The following DLG2 variants were observed in gnomAD, a reference collection of about 807,000 sequenced individuals.
DLG2 encodes disks large homolog 2.
A neutral mutation model predicts 132.5 loss-of-function variants in DLG2; 45 were observed. That is an observed-to-expected ratio of 0.34 (90% confidence interval 0.27 to 0.44). The LOEUF is 0.44. DLG2 is among the 20% of genes least tolerant of loss of function. The pLI is 1.00. For synonymous variants in DLG2, 424 were observed against 419.6 expected, an observed-to-expected ratio of 1.01 and a Z score of -0.13; for missense variants, 1,045 against 1,196.9, an observed-to-expected ratio of 0.87 and a Z score of 1.87.
At chr11:84,418,295 C>A (rs1215650492) in intron 7 of DLG2, among the ~76,000 whole-genome samples, 2 of 152,060 alleles carry the variant, frequency 1.3e-5, no homozygotes, top group Non-Finnish European at 2.9e-5. Flanking sequence ...GTTCTATGAA[C>A]ACATAGGGGC....
chr11:85,618,865 A>G (rs2081515461), intron 2 of DLG2, among the ~76,000 whole-genome samples: 1 of 152,268 alleles, frequency 6.6e-6, no homozygotes, highest in Non-Finnish European at 1.5e-5. Flanking sequence ...GGAGAAATCA[A>G]ATATTCTATC....
rs138632455 is a variant in DLG2, at chr11:85,422,821, T to C, written c.41-137456A>G. On this transcript the variant is annotated intron_variant, in intron 3 of 27. Coordinates refer to ENST00000376104, the MANE Select transcript of DLG2 (RefSeq NM_001142699.3). ...GGTTTTTATTTCTGCTATCTATTTC[T>C]TTGAATATTTCTCCCTTCACTTCTT... Among the ~76,000 whole-genome samples the C allele has an allele frequency of 3.0e-3, 462 of 152,282 alleles. 1 individual carries two copies. Among genetic ancestry groups the C allele is most frequent in the African/African-American group, 0.011 (445 of 41,560 alleles).
At chr11:84,359,752 T>C (rs1036684490) in intron 7 of DLG2, among the ~76,000 whole-genome samples, 2 of 150,878 alleles carry the variant, frequency 1.3e-5, no homozygotes, top group African/African-American at 2.4e-5. Flanking sequence ...TTCTTAAGCA[T>C]ATTAGAGCTT....
chr11:84,995,951 T>A (rs1187838187), intron 6 of DLG2, among the ~76,000 whole-genome samples: 1 of 152,134 alleles, frequency 6.6e-6, no homozygotes, highest in Admixed American at 6.6e-5. Flanking sequence ...AAGTTTATTT[T>A]TACTCTAACA....
intron 3 of DLG2, among the ~76,000 whole-genome samples, chr11:85,572,237 T>C (rs1236751055): frequency 1.3e-5 from 2 of 152,180 alleles, no homozygotes; most frequent in African/African-American, 4.8e-5. Context: ...TGTTTCTATA[T>C]TTAGGGTTCA....
At chr11:84,579,057 T>C (rs887741414) in intron 6 of DLG2, among the ~76,000 whole-genome samples, 1 of 152,102 alleles carries the variant, frequency 6.6e-6, no homozygotes, top group Admixed American at 6.5e-5. Flanking sequence ...GCCTTTTGCC[T>C]CCCGCCATGA....
intron 8 of DLG2, among the ~76,000 whole-genome samples, chr11:84,196,115 A>T (rs920732389): frequency 3.9e-5 from 6 of 152,254 alleles, no homozygotes; most frequent in Admixed American, 6.5e-5. Context: ...AGTAATTTTT[A>T]AAAAATTTAA....
At chr11:84,071,358 G>T (rs1387472338) in intron 10 of DLG2, among the ~76,000 whole-genome samples, 3 of 152,026 alleles carry the variant, frequency 2.0e-5, no homozygotes, top group African/African-American at 7.2e-5. Flanking sequence ...ACCCACCTCA[G>T]CCTCCCAAAG....
chr11:83,724,476 TGAGAGAGAGAGAGAGAGAGAGAGA>T (rs59782952), intron 18 of DLG2, among the ~76,000 whole-genome samples: 2 of 118,154 alleles, frequency 1.7e-5, no homozygotes, highest in East Asian at 2.7e-4. Flanking sequence ...TGTGTGTGTG[TGAGAGAGAGAGAGAGAGAGAGAGA>T]GAGAGAGAGA....
intron 6 of DLG2, among the ~76,000 whole-genome samples, chr11:84,861,618 C>CGA: frequency 2.8e-5 from 1 of 35,828 alleles, no homozygotes; most frequent in Non-Finnish European, 4.7e-5. Flanking sequence ...TTCTACACAG[C>CGA]AAAAAAAAAA....
intron 7 of DLG2, among the ~76,000 whole-genome samples, chr11:84,264,045 A>T (rs2097580934): frequency 6.6e-6 from 1 of 152,182 alleles, no homozygotes; most frequent in Admixed American, 6.5e-5. Context: ...ATTTTTCTTC[A>T]AAATTAATGT....
intron 18 of DLG2, among the ~76,000 whole-genome samples, chr11:83,693,239 T>C (rs1239871718): frequency 6.6e-6 from 1 of 152,170 alleles, no homozygotes; most frequent in Non-Finnish European, 1.5e-5. Context: ...TGGCTGACCA[T>C]GCTGGGTCTG....
intron 8 of DLG2, among the ~76,000 whole-genome samples, chr11:84,227,071 C>A (rs1026145785): frequency 6.6e-6 from 1 of 151,418 alleles, no homozygotes; most frequent in East Asian, 1.9e-4. Flanking sequence ...GGCAACAGAG[C>A]CAGGCTCCAT....
At chr11:83,916,564 C>T (rs924624034) in intron 15 of DLG2, among the ~76,000 whole-genome samples, 2 of 152,158 alleles carry the variant, frequency 1.3e-5, no homozygotes, top group African/African-American at 4.8e-5. Flanking sequence ...GATCTGTCCA[C>T]CTCGGCCTCC....
intron 16 of DLG2, among the ~76,000 whole-genome samples, chr11:83,860,554 G>A (rs1221429393): frequency 2.0e-5 from 3 of 152,170 alleles, no homozygotes; most frequent in South Asian, 2.1e-4. Context: ...CTGTATCTAG[G>A]AAGTAACTAA....
chr11:83,536,681 A>G (rs1291462018), intron 20 of DLG2, among the ~76,000 whole-genome samples: 2 of 152,058 alleles, frequency 1.3e-5, no homozygotes, highest in Non-Finnish European at 2.9e-5. Flanking sequence ...TATAATAGCT[A>G]TAATCCAGGG....
At chr11:83,785,157 C>T (rs1395291355) in intron 18 of DLG2, among the ~76,000 whole-genome samples, 1 of 151,986 alleles carries the variant, frequency 6.6e-6, no homozygotes, top group Non-Finnish European at 1.5e-5. Flanking sequence ...CGGGTTCATG[C>T]CGTTCTCCTG....
At chr11:84,614,883 A>C (rs2099601270) in intron 6 of DLG2, among the ~76,000 whole-genome samples, 1 of 152,126 alleles carries the variant, frequency 6.6e-6, no homozygotes, top group South Asian at 2.1e-4. Flanking sequence ...ATTGTGCTAT[A>C]ATCTACATCT....
intron 7 of DLG2, among the ~76,000 whole-genome samples, chr11:84,293,255 T>C (rs937489770): frequency 4.6e-5 from 7 of 152,272 alleles, no homozygotes; most frequent in African/African-American, 7.2e-5. Flanking sequence ...GCAGTTCTAA[T>C]AGTCCAGGCA....
Sources: gnomAD v4.1 joint callset for allele counts (sites outside exome capture counted in the v4.1 genomes callset) on GRCh38, gnomAD v4.1.1 for gene constraint, MANE v1.5 for transcripts, NCBI Gene and HGNC (gene_info 2026-07-23, HGNC 2026-07-21) for gene names.